NKAIN3: variants seen among roughly 807,000 people sequenced by gnomAD.
The protein encoded by NKAIN3 is sodium/potassium-transporting ATPase subunit beta-1-interacting protein 3.
Under a neutral mutation model 30.2 loss-of-function variants are expected in NKAIN3, and 25 were observed. That is an observed-to-expected ratio of 0.83 (90% CI 0.60 to 1.16). NKAIN3 has a LOEUF of 1.16. NKAIN3 is among the 50% of genes most tolerant of loss of function. The pLI is 0.00. For synonymous variants in NKAIN3, 91 were observed against 89.6 expected (o/e 1.02, Z -0.09); for missense variants, 225 against 254.1 (o/e 0.89, Z 0.78).
At chr8:62,701,802 A>G (rs1027523964) in intron 3 of NKAIN3, among the ~76,000 whole-genome samples, 8 of 152,058 alleles carry the variant, frequency 5.3e-5, no homozygotes, top group African/African-American at 1.7e-4. Flanking sequence ...AAAATCTCAG[A>G]TTTCACCTCT....
chr8:62,441,472 G>A (rs866850213), intron 1 of NKAIN3, among the ~76,000 whole-genome samples: 2 of 151,906 alleles, frequency 1.3e-5, no homozygotes, highest in South Asian at 4.2e-4. Flanking sequence ...ATAATGTCTT[G>A]TGCATTGTTT....
chr8:62,722,581 G>A (rs894884275), intron 3 of NKAIN3, among the ~76,000 whole-genome samples: 21 of 152,128 alleles, frequency 1.4e-4, no homozygotes, highest in Non-Finnish European at 2.4e-4. Flanking sequence ...TTGGCATGAA[G>A]AATCTGCAAG....
chr8:62,407,341 TAG>T (rs1280176995), intron 1 of NKAIN3, among the ~76,000 whole-genome samples: 3 of 151,100 alleles, frequency 2.0e-5, no homozygotes, highest in Non-Finnish European at 4.4e-5. Flanking sequence ...TCATGGTATA[TAG>T]AGAGTTTTAA....
chr8:62,271,926 A>T (rs984905623), intron 1 of NKAIN3, among the ~76,000 whole-genome samples: 2 of 152,180 alleles, frequency 1.3e-5, no homozygotes, highest in Admixed American at 6.6e-5. Context: ...GCTGGGTGGA[A>T]GCGTTGTGCT....
intron 4 of NKAIN3, among the ~76,000 whole-genome samples, chr8:62,842,427 C>A (rs1262630992): frequency 6.6e-6 from 1 of 151,780 alleles, no homozygotes; most frequent in African/African-American, 2.4e-5. Flanking sequence ...TATTAAAATT[C>A]CCATACTACA....
intron 1 of NKAIN3, among the ~76,000 whole-genome samples, chr8:62,553,571 C>G (rs1288022184): frequency 6.8e-6 from 1 of 148,092 alleles, no homozygotes; most frequent in Non-Finnish European, 1.5e-5. Context: ...GAATCTCGCT[C>G]TGTCACTCAG....
chr8:62,660,177 G>A (rs1283017618), intron 3 of NKAIN3, among the ~76,000 whole-genome samples: 1 of 152,148 alleles, frequency 6.6e-6, no homozygotes, highest in African/African-American at 2.4e-5. Flanking sequence ...CAACAATCAT[G>A]AGACCTGGGC....
intron 4 of NKAIN3, among the ~76,000 whole-genome samples, chr8:62,780,131 T>A (rs566573908): frequency 5.3e-5 from 8 of 152,106 alleles, no homozygotes; most frequent in African/African-American, 1.9e-4. Flanking sequence ...ACCAGAGAAA[T>A]ATAAATGATC....
In NKAIN3 at chr8:62,648,198, G is replaced by C. The variant is rs914393664; in HGVS notation, c.273+58404G>C. On this transcript the variant is annotated intron_variant, in intron 3 of 6. Coordinates refer to ENST00000623646, the MANE Select transcript of NKAIN3 (RefSeq NM_001304533.3). ...GTGAGCCGTCCAAGTACTATGTCCTGTAAGACATGGATCCGTGTAGATCCG... is the reference window on the plus strand; with the variant it reads ...GTGAGCCGTCCAAGTACTATGTCCTCTAAGACATGGATCCGTGTAGATCCG... 2.0e-5 allele frequency among the ~76,000 whole-genome samples: 3 copies of C among 152,122 alleles called. 1 individual carries two copies. The highest frequency in any genetic ancestry group is 2.0e-4 in the Admixed American group (3 of 15,266).
At chr8:62,500,465 GAA>G (rs370794324) in intron 1 of NKAIN3, among the ~76,000 whole-genome samples, 2,139 of 125,420 alleles carry the variant, frequency 0.017, 31 homozygotes, top group Non-Finnish European at 0.027. Flanking sequence ...AAGAAAGAAA[GAA>G]AGAAAGAAAG....
intron 4 of NKAIN3, among the ~76,000 whole-genome samples, chr8:62,854,570 A>AT (rs1206588135): frequency 6.6e-6 from 1 of 152,000 alleles, no homozygotes; most frequent in Non-Finnish European, 1.5e-5. Context: ...CTATCCCTTC[A>AT]TTTTGAGCCT....
intron 1 of NKAIN3, among the ~76,000 whole-genome samples, chr8:62,577,029 A>G (rs1002468716): frequency 1.3e-5 from 2 of 152,108 alleles, no homozygotes; most frequent in East Asian, 1.9e-4. Context: ...AAAAAATACA[A>G]TGGTGCTTTG....
At chr8:62,790,755 AG>A (rs1817682191) in intron 4 of NKAIN3, among the ~76,000 whole-genome samples, 1 of 152,132 alleles carries the variant, frequency 6.6e-6, no homozygotes, top group African/African-American at 2.4e-5. Context: ...CTATTGAGAA[AG>A]ACATGCTTTG....
chr8:62,807,060 A>G (rs1818316004), intron 4 of NKAIN3, among the ~76,000 whole-genome samples: 1 of 152,080 alleles, frequency 6.6e-6, no homozygotes, highest in Non-Finnish European at 1.5e-5. Context: ...TACATCACGT[A>G]TTTAGTTTGT....
intron 4 of NKAIN3, among the ~76,000 whole-genome samples, chr8:62,917,954 A>T (rs1341606764): frequency 6.6e-6 from 1 of 152,226 alleles, no homozygotes; most frequent in Non-Finnish European, 1.5e-5. Flanking sequence ...TTGTGGTTTG[A>T]TTAACAAAGC....
chr8:62,574,813 T>A (rs1810058715), intron 1 of NKAIN3, among the ~76,000 whole-genome samples: 1 of 152,120 alleles, frequency 6.6e-6, no homozygotes, highest in Non-Finnish European at 1.5e-5. Flanking sequence ...TTGACCACCT[T>A]TTTATATACC....
intron 4 of NKAIN3, chr8:62,855,158 A>T (rs1339959677): frequency 4.1e-6 from 1 of 243,184 alleles, no homozygotes; most frequent in Non-Finnish European, 8.1e-6. Flanking sequence ...TCACCGTGGC[A>T]ACAGAAAGCC....
chr8:62,796,079 A>G (rs928582422), intron 4 of NKAIN3, among the ~76,000 whole-genome samples: 3 of 151,972 alleles, frequency 2.0e-5, no homozygotes, highest in African/African-American at 7.2e-5. Context: ...CTCCTCTGTG[A>G]TGTGATTTTA....
intron 2 of NKAIN3, among the ~76,000 whole-genome samples, chr8:62,582,569 G>A (rs1045506527): frequency 5.7e-4 from 86 of 152,078 alleles, no homozygotes; most frequent in Admixed American, 1.4e-3. Context: ...AGACAAGTGT[G>A]AGAGTGAGTC....
Sources: gnomAD v4.1 joint callset for allele counts (sites outside exome capture counted in the v4.1 genomes callset) on GRCh38, gnomAD v4.1.1 for gene constraint, MANE v1.5 for transcripts, NCBI Gene and HGNC (gene_info 2026-07-23, HGNC 2026-07-21) for gene names.